Variants in ADAMTS7 observed in about 807,000 individuals in gnomAD.
ADAMTS7 encodes ADAM metallopeptidase with thrombospondin type 1 motif 7.
Under a neutral mutation model 172.6 loss-of-function variants are expected in ADAMTS7, and 89 were observed. The ratio of observed to expected loss-of-function variants is 0.52; its 90% CI spans 0.43 to 0.61. The LOEUF (loss-of-function observed/expected upper bound fraction) is 0.61, where lower values mean the gene tolerates loss of function less well. Among genes scored for constraint, ADAMTS7 ranks in the 20% least tolerant of loss-of-function variants. The pLI is 0.00. For synonymous variants in ADAMTS7, 885 were observed against 978.4 expected (o/e 0.90, Z 1.78); for missense variants, 1,973 against 2,355.6 (o/e 0.84, Z 3.36).
At chr15:78,804,736 G>A (rs1393494719) in intron 1 of ADAMTS7, among the ~76,000 whole-genome samples, 1 of 152,176 alleles carries the variant, frequency 6.6e-6, no homozygotes, top group African/African-American at 2.4e-5. Context: ...GTAGGCTGGG[G>A]CAACGTGCTG....
chr15:78,778,311 A>G (rs1231793910), intron 8 of ADAMTS7, among the ~76,000 whole-genome samples: 3 of 152,240 alleles, frequency 2.0e-5, no homozygotes, highest in Non-Finnish European at 4.4e-5. Context: ...ATGAGGCAGG[A>G]AGCATGGAAG....
chr15:78,796,825 C>A, intron 3 of ADAMTS7, 39 bp from the exon 4 acceptor site: 2 of 1,561,230 alleles, frequency 1.3e-6, no homozygotes, highest in South Asian at 1.2e-5. Flanking sequence ...TGCCAGTGGA[C>A]AGGCCCAGGG....
chr15:78,778,666 G>T (rs1302689565), intron 8 of ADAMTS7, among the ~76,000 whole-genome samples: 1 of 152,172 alleles, frequency 6.6e-6, no homozygotes, highest in African/African-American at 2.4e-5. Context: ...CAGGACCCGC[G>T]GGACCTGGGG....
At chr15:78,780,684 C>G (rs1164098995) in intron 8 of ADAMTS7, among the ~76,000 whole-genome samples, 114 of 151,980 alleles carry the variant, frequency 7.5e-4, no homozygotes, top group African/African-American at 2.3e-3. Context: ...AGTGCCCCCC[C>G]ACCACCTCCT....
intron 23 of ADAMTS7, 93 bp from the exon 24 acceptor site, chr15:78,759,671 A>G (rs2055010699): frequency 7.3e-7 from 1 of 1,361,344 alleles, no homozygotes; most frequent in African/African-American, 1.5e-5. Context: ...AGGCTCCAGC[A>G]GCTCCCCACC....
rs758972376 is a variant in ADAMTS7, at chr15:78,789,726, G to A, written c.1141C>T (p.Pro381Ser). The A allele has an allele frequency of 3.7e-6, 6 of 1,613,106 alleles. No homozygotes were observed. The highest frequency in any genetic ancestry group is 2.2e-5 in the South Asian group (2 of 90,944). ...SCSINEDTGLPLAFTVAHELG... is the reference protein window; with the variant it reads ...SCSINEDTGLSLAFTVAHELG... ...TCGTGGGCTACAGTGAAGGCCAGCG[G>A]CAGGCCCGTGTCCTCGTTGATGCTG... The change falls in exon 7 of 24, where the codon CCG becomes TCG. Residue 381 changes from proline (P) to serine (S), a missense_variant. Physicochemically the swap from Pro to Ser is moderately conservative, Grantham distance 74. Around this residue, in one of 8 missense-constraint regions of ADAMTS7, gnomAD observed 526 missense variants for 662.9 expected, o/e 0.79. Coordinates refer to ENST00000388820, the MANE Select transcript of ADAMTS7 (RefSeq NM_014272.5).
At chr15:78,809,492 G>A (rs1020724247) in intron 1 of ADAMTS7, among the ~76,000 whole-genome samples, 1 of 152,184 alleles carries the variant, frequency 6.6e-6, no homozygotes, top group African/African-American at 2.4e-5. Context: ...CCCTCAAACA[G>A]CAGGTCCAGG....
rs764183205 is a variant in ADAMTS7 at position 78,766,835 on chromosome 15, G to C, written c.3076C>G (p.Leu1026Val). The C allele has an allele frequency of 2.5e-6, 4 of 1,610,288 alleles. No homozygotes were observed. Among genetic ancestry groups the C allele is most frequent in the African/African-American group, 2.7e-5 (2 of 74,998 alleles). ...GAGGCGGGTGAAGGGCGTGGGGCCA[G>C]GTGGTGCGGGATGAAGTCAGCCTCG... The part of the protein sequence containing the change: ...FNEADFIPHH[L>V]APRPSPASSP... Residue 1026 changes from leucine (L) to valine (V), a missense_variant, in exon 19 of 24, where the codon CTG (leucine) becomes GTG (valine). This residue lies in a region of ADAMTS7 where 771 missense variants were observed against 952.6 expected (regional missense o/e 0.81). Transcript: ENST00000388820.
chr15:78,771,468 G>A lies in ADAMTS7; in HGVS notation c.2376+117C>T, dbSNP rs1484932864. On this transcript the variant is annotated intron_variant, in intron 15 of 23. Transcript: ENST00000388820. The surrounding 1 kb of genome is among the most constrained non-coding windows in gnomAD (Gnocchi z 4.9). ...CCGCAGCAGGAGGGCCTGGCTCAGA[G>A]CCAGGCTCTGTGACTGAACCAGGGC... 2 of 1,537,506 alleles carry A rather than the reference G, an allele frequency of 1.3e-6. No homozygotes were observed. Among genetic ancestry groups the A allele is most frequent in the Admixed American group, 1.9e-5 (1 of 51,372 alleles).
In ADAMTS7 at chr15:78,766,137, C is replaced by T. The variant is rs748215386; in HGVS notation, c.3774G>A (p.Ala1258=). Residue 1258 remains alanine (A), a synonymous_variant, in exon 19 of 24, where the codon GCG becomes GCA. Coordinates refer to ENST00000388820, the MANE Select transcript of ADAMTS7 (RefSeq NM_014272.5). The stretch of plus-strand genomic sequence containing the variant: ...CCACTGTGCCTCCTGTCCACAGCTC[C>T]GCCACGTCAGGACTAGGAGAGGAGT... ...STHSSPSPDV[A]ELWTGGTVAW... 44 of 1,611,140 alleles carry T rather than the reference C, an allele frequency of 2.7e-5. No individual in the cohort carries two copies. Among genetic ancestry groups the T allele is most frequent in the East Asian group, 1.6e-4 (7 of 44,826 alleles).
chr15:78,800,300 C>G lies in ADAMTS7; in HGVS notation c.348G>C (p.Leu116=), dbSNP rs1394217811. 6.3e-7 allele frequency: 1 copy of G among 1,589,940 alleles called. No individual in the cohort carries two copies. Among genetic ancestry groups the G allele is most frequent in the East Asian group, 2.3e-5 (1 of 44,374 alleles). The part of the protein sequence containing the change: ...FVSETRRRGG[L]GRAHIRAHTP... ...TGTGGGCCCGGATGTGCGCGCGGCC[C>G]AGGCCGCCGCGCCGCCGCGTCTCGC... Residue 116 remains leucine (L), a synonymous_variant, in exon 2 of 24, where the codon CTG becomes CTC. Transcript: ENST00000388820.
Position 78,762,469 on chromosome 15 carries a change from G to C in ADAMTS7, c.4837C>G (p.His1613Asp). The C allele has an allele frequency of 6.3e-7, 1 of 1,583,812 alleles. No homozygotes were observed. The part of the protein sequence containing the change: ...LPEEDSDQCG[H>D]EAWPESSRPC... Reference sequence around the variant, plus strand: ...CGGGAGCTCTCAGGCCAGGCCTCGTGGCCACACTGGTCACTGTCTTCCTCG... The same window carrying C: ...CGGGAGCTCTCAGGCCAGGCCTCGTCGCCACACTGGTCACTGTCTTCCTCG... The change falls in exon 23 of 24, where the codon CAC (histidine) becomes GAC (aspartate). Residue 1613 changes from histidine (H) to aspartate (D), a missense_variant. His to Asp is a moderately conservative substitution (Grantham distance 81). Transcript: ENST00000388820.
intron 16 of ADAMTS7, chr15:78,770,888 G>C (rs1161038359): frequency 2.0e-6 from 1 of 499,904 alleles, no homozygotes; most frequent in Non-Finnish European, 3.6e-6. Context: ...GTCTATCGAG[G>C]GGGAGCTGTG....
chr15:78,808,746 G>A (rs1347359121), intron 1 of ADAMTS7, among the ~76,000 whole-genome samples: 3 of 152,180 alleles, frequency 2.0e-5, no homozygotes, highest in Non-Finnish European at 2.9e-5. Flanking sequence ...TTGCAACAAA[G>A]CTGAGCCTGC....
chr15:78,786,857 T>C (rs938776824), intron 8 of ADAMTS7, among the ~76,000 whole-genome samples: 1 of 152,142 alleles, frequency 6.6e-6, no homozygotes, highest in Non-Finnish European at 1.5e-5. Context: ...CACTTACATG[T>C]GGATTTTTTT....
chr15:78,799,068 A>G (rs2055684750), intron 2 of ADAMTS7, among the ~76,000 whole-genome samples: 3 of 151,448 alleles, frequency 2.0e-5, no homozygotes, highest in African/African-American at 2.4e-5. Context: ...CACAGGCTCA[A>G]CAAGATCAAT....
At chr15:78,798,606 CA>C (rs1157445420) in intron 2 of ADAMTS7, among the ~76,000 whole-genome samples, 1 of 152,212 alleles carries the variant, frequency 6.6e-6, no homozygotes, top group Non-Finnish European at 1.5e-5. Flanking sequence ...AAAGCATCCA[CA>C]GCCACACCCG....
chr15:78,759,998 C>T (rs527926385), intron 23 of ADAMTS7, among the ~76,000 whole-genome samples: 4 of 152,130 alleles, frequency 2.6e-5, no homozygotes, highest in South Asian at 2.1e-4. Flanking sequence ...CCCCGACTCC[C>T]GCCACCGCCC....
intron 22 of ADAMTS7, among the ~76,000 whole-genome samples, chr15:78,762,821 G>A (rs7168391): frequency 2.6e-5 from 4 of 152,072 alleles, no homozygotes; most frequent in East Asian, 1.9e-4. Flanking sequence ...CCCTCGGGGC[G>A]GCAGGGCAGT....
Sources: allele counts gnomAD v4.1 joint callset (sites outside exome capture counted in the v4.1 genomes callset), GRCh38; gene constraint gnomAD v4.1.1; regional missense constraint gnomAD v4.1.1; non-coding constraint Gnocchi (gnomAD v3.1); transcripts MANE v1.5; gene names NCBI Gene and HGNC (gene_info 2026-07-23, HGNC 2026-07-21).